FBXO30: variants seen among roughly 807,000 people sequenced by gnomAD.
The protein encoded by FBXO30 is F-box only protein 30.
Under a neutral mutation model 58.1 loss-of-function variants are expected in FBXO30, and 21 were observed. The ratio of observed to expected loss-of-function variants is 0.36; its 90% confidence interval spans 0.26 to 0.52. FBXO30 has a LOEUF of 0.52. Among genes scored for constraint, FBXO30 ranks in the 20% least tolerant of loss-of-function variants. The pLI, the probability that FBXO30 is intolerant of heterozygous loss-of-function variation, is 0.93. For missense variants in FBXO30, 744 were observed against 897.3 expected (o/e 0.83, Z 2.18); for synonymous variants, 309 against 312.4 (o/e 0.99, Z 0.11).
chr6:145,802,959 G>C (rs1778049508), intron 2 of FBXO30, among the ~76,000 whole-genome samples: 1 of 152,140 alleles, frequency 6.6e-6, no homozygotes, highest in African/African-American at 2.4e-5. Context: ...CTCAGACTAA[G>C]AGGGGGAGGA....
chr6:145,814,794 GCGCCC>G (rs906497226), exon 1 of FBXO30: 1 of 152,006 alleles, frequency 6.6e-6, no homozygotes. Flanking sequence ...CCCTCCTCGC[GCGCCC>G]CGCCCCGCTG....
At chr6:145,810,123 T>C (rs1294390621) in intron 1 of FBXO30, among the ~76,000 whole-genome samples, 2 of 152,206 alleles carry the variant, frequency 1.3e-5, no homozygotes, top group Non-Finnish European at 2.9e-5. Context: ...ATAATTTACA[T>C]AGATAATGCT....
Position 145,804,509 on chromosome 6 carries a change from A to C in FBXO30, c.1897T>G (p.Leu633Val). The C allele has an allele frequency of 7.4e-6, 12 of 1,613,778 alleles. No individual in the cohort carries two copies. The highest frequency in any genetic ancestry group is 1.0e-5 in the Non-Finnish European group (12 of 1,179,788). ...TTGGATACACATGAGAGCTGACATAAGCTGAAGCCATCGAGAAAGCCTGCA... is the reference window on the plus strand; with the variant it reads ...TTGGATACACATGAGAGCTGACATACGCTGAAGCCATCGAGAAAGCCTGCA... ...HIAGFLDGFS[L>V]CQLSCVSKLM... The change falls in exon 2 of 3, where the codon TTA (leucine) becomes GTA (valine). Residue 633 changes from leucine (L) to valine (V), a missense_variant. This residue lies in a region of FBXO30 where 334 missense variants were observed against 433.7 expected (regional missense o/e 0.77). Coordinates refer to ENST00000237281, the MANE Select transcript of FBXO30 (RefSeq NM_032145.5).
chr6:145,799,334 T>G lies in FBXO30; in HGVS notation c.*772A>C, dbSNP rs1156702740. ...ATTTTCTTTTAAAACATTAGATAACTAGCAAATATATAATACCAGGAGCAG... is the reference window on the plus strand; with the variant it reads ...ATTTTCTTTTAAAACATTAGATAACGAGCAAATATATAATACCAGGAGCAG... On this transcript the variant is annotated 3_prime_UTR_variant, in exon 3 of 3. Transcript: ENST00000237281. The G allele has an allele frequency of 6.6e-6, 1 of 152,384 alleles. No homozygotes were observed. The highest frequency in any genetic ancestry group is 2.4e-5 in the African/African-American group (1 of 41,416). 9.4% of individuals were successfully genotyped at this position (152,384 alleles called of 1,614,324 possible).
Position 145,800,029 on chromosome 6 carries a change from T to C in FBXO30, c.*77A>G, listed in dbSNP as rs1434258274. 1.4e-5 allele frequency: 14 copies of C among 1,029,708 alleles called. No individual in the cohort carries two copies. The highest frequency in any genetic ancestry group is 1.6e-5 in the Non-Finnish European group (11 of 684,544). The allele number at this position is 1,029,708 out of a possible 1,614,324, so 63.8% of individuals were successfully genotyped here. Reference sequence around the variant, plus strand: ...AAATTTAGCTAGTTGTAATATTTAATACATTAATAAAGTTTCACATATTAC... The same window carrying C: ...AAATTTAGCTAGTTGTAATATTTAACACATTAATAAAGTTTCACATATTAC... On this transcript the variant is annotated 3_prime_UTR_variant, in exon 3 of 3. Coordinates refer to ENST00000237281, the MANE Select transcript of FBXO30 (RefSeq NM_032145.5).
Position 145,804,965 on chromosome 6 carries a change from A to G in FBXO30, c.1441T>C (p.Ser481Pro). Residue 481 changes from serine (S) to proline (P), a missense_variant, in exon 2 of 3, where the codon TCA becomes CCA. Transcript: ENST00000237281. ...STMVGEIASA[S>P]ACDHANPQLS... is the part of the protein sequence containing the mutation. Reference sequence around the variant, plus strand: ...TGTGGATTGGCATGATCACAAGCTGAAGCTGAAGCTATCTCCCCAACCATT... The same window carrying G: ...TGTGGATTGGCATGATCACAAGCTGGAGCTGAAGCTATCTCCCCAACCATT... 1 of 1,613,918 alleles carries G rather than the reference A, an allele frequency of 6.2e-7. No individual in the cohort carries two copies. The highest frequency in any genetic ancestry group is 8.5e-7 in the Non-Finnish European group (1 of 1,179,908).
chr6:145,813,168 G>T (rs189536332), intron 1 of FBXO30, among the ~76,000 whole-genome samples: 102 of 151,992 alleles, frequency 6.7e-4, no homozygotes, highest in African/African-American at 2.3e-3. Flanking sequence ...GATATATTAG[G>T]ACACTTTTTA....
chr6:145,810,720 AAGC>A (rs1011615612), intron 1 of FBXO30, among the ~76,000 whole-genome samples: 1 of 152,210 alleles, frequency 6.6e-6, no homozygotes, highest in African/African-American at 2.4e-5. Context: ...GCCCTCAAAA[AAGC>A]ATTTTTAAAA....
intron 1 of FBXO30, chr6:145,812,080 C>G (rs192855288): frequency 6.6e-6 from 1 of 152,188 alleles, no homozygotes. Flanking sequence ...ATTCCCAACT[C>G]AAAGCACTAG....
Position 145,806,278 on chromosome 6 carries a change from G to T in FBXO30, c.128C>A (p.Ser43Tyr). Residue 43 changes from serine (S) to tyrosine (Y), a missense_variant, in exon 2 of 3, where the codon TCT becomes TAT. Coordinates refer to ENST00000237281, the MANE Select transcript of FBXO30 (RefSeq NM_032145.5). ...CPLVCGAVFH[S>Y]CKADEHRLLC... ...AAGTCGATGCTCATCAGCTTTACAAGAATGGAAAACTGCACCACAAACCAA... is the reference window on the plus strand; with the variant it reads ...AAGTCGATGCTCATCAGCTTTACAATAATGGAAAACTGCACCACAAACCAA... 3.7e-6 allele frequency: 6 copies of T among 1,613,998 alleles called. No homozygotes were observed. Among genetic ancestry groups the T allele is most frequent in the Non-Finnish European group, 5.1e-6 (6 of 1,179,970 alleles).
chr6:145,813,320 T>TAA (rs986728233), intron 1 of FBXO30, among the ~76,000 whole-genome samples: 1 of 132,602 alleles, frequency 7.5e-6, no homozygotes, highest in Non-Finnish European at 1.6e-5. Context: ...TTTCCAGAAT[T>TAA]AAAAAAAAAA....
rs537846075 is a variant in FBXO30, at chr6:145,802,968, G to A, written c.2034+1404C>T. Among the ~76,000 whole-genome samples the A allele has an allele frequency of 1.3e-5, 2 of 152,186 alleles. 1 individual carries two copies. Among genetic ancestry groups the A allele is most frequent in the South Asian group, 4.1e-4 (2 of 4,824 alleles). ...CACTTTCTCAGACTAAGAGGGGGAG[G>A]ACTGGAGTAGGTTGGATATGTTGAG... On this transcript the variant is annotated intron_variant, in intron 2 of 2. Coordinates refer to ENST00000237281, the MANE Select transcript of FBXO30 (RefSeq NM_032145.5).
rs1017727246 is a variant in FBXO30 at position 145,798,407 on chromosome 6, A to T, written c.*1699T>A. On this transcript the variant is annotated 3_prime_UTR_variant, in exon 3 of 3. Coordinates refer to ENST00000237281, the MANE Select transcript of FBXO30 (RefSeq NM_032145.5). ...ACAATGAATTTTAAAAAGCATAACT[A>T]TAAAACAAAAGTTAATGCTTGTGCT... The T allele has an allele frequency of 6.6e-6, 1 of 152,452 alleles. No individual in the cohort carries two copies. The highest frequency in any genetic ancestry group is 1.5e-5 in the Non-Finnish European group (1 of 67,942). 9.4% of individuals were successfully genotyped at this position (152,452 alleles called of 1,614,324 possible).
At chr6:145,806,701 A>C (rs766589873) in intron 1 of FBXO30, among the ~76,000 whole-genome samples, 3 of 152,174 alleles carry the variant, frequency 2.0e-5, no homozygotes, top group Non-Finnish European at 4.4e-5. Flanking sequence ...AAGTTTCAAA[A>C]TATACTATTT....
At position 145,805,495 on chromosome 6, in the gene FBXO30, T is replaced by C. The variant is rs1271781510; in HGVS notation, c.911A>G (p.His304Arg). Residue 304 changes from histidine (H) to arginine (R), a missense_variant, in exon 2 of 3, where the codon CAT (histidine) becomes CGT (arginine). Transcript: ENST00000237281. Reference protein sequence around the residue: ...TQVIDQNQNLHGDSKQSNLTN... With the variant: ...TQVIDQNQNLRGDSKQSNLTN... The stretch of plus-strand genomic sequence containing the variant: ...TAAGTTACTTTGTTTTGAATCACCA[T>C]GTAAATTCTGATTCTGGTCTATGAC... 5 of 1,606,024 alleles carry C rather than the reference T, an allele frequency of 3.1e-6. No individual in the cohort carries two copies. Among genetic ancestry groups the C allele is most frequent in the South Asian group, 1.1e-5 (1 of 89,876 alleles).
chr6:145,811,487 G>C (rs1778332633), intron 1 of FBXO30, among the ~76,000 whole-genome samples: 1 of 152,164 alleles, frequency 6.6e-6, no homozygotes, highest in Non-Finnish European at 1.5e-5. Flanking sequence ...ATAGTAATAT[G>C]AGAAACATAG....
chr6:145,805,559 G>C lies in FBXO30; in HGVS notation c.847C>G (p.Leu283Val). 1.2e-6 allele frequency: 2 copies of C among 1,611,814 alleles called. No homozygotes were observed. The highest frequency in any genetic ancestry group is 2.2e-5 in the South Asian group (2 of 90,552). The stretch of plus-strand genomic sequence containing the variant: ...TTTTCCAAAGGAAAGCCATTACAAA[G>C]AGCAGAAGTGTCATAAGAACTTGTA... ...LNTSSYDTSALCNGFPLENIC... is the reference protein window; with the variant it reads ...LNTSSYDTSAVCNGFPLENIC... The change falls in exon 2 of 3, where the codon CTT becomes GTT. Residue 283 changes from leucine (L) to valine (V), a missense_variant. Coordinates refer to ENST00000237281, the MANE Select transcript of FBXO30 (RefSeq NM_032145.5).
intron 1 of FBXO30, 131 bp downstream of exon 1, chr6:145,814,471 GC>G (rs1778440069): frequency 6.6e-6 from 1 of 151,918 alleles, no homozygotes; most frequent in African/African-American, 2.4e-5. Flanking sequence ...TCCAGGCCGG[GC>G]CCGTCAACCC....
intron 1 of FBXO30, among the ~76,000 whole-genome samples, chr6:145,808,615 C>T (rs778690336): frequency 2.6e-5 from 4 of 152,056 alleles, no homozygotes; most frequent in Admixed American, 6.6e-5. Context: ...GCTGAAAATC[C>T]GTCTATACAT....
Sources: gnomAD v4.1 joint callset for allele counts (sites outside exome capture counted in the v4.1 genomes callset) on GRCh38, gnomAD v4.1.1 for gene constraint, gnomAD v4.1.1 regional missense constraint, MANE v1.5 for transcripts, NCBI Gene and HGNC (gene_info 2026-07-23, HGNC 2026-07-21) for gene names.